The following RTKN2 variants were observed in gnomAD, a reference collection of about 807,000 sequenced individuals.
The protein encoded by RTKN2 is rhotekin 2.
A neutral mutation model predicts 71.5 loss-of-function variants in RTKN2; 69 were observed. The ratio of observed to expected loss-of-function variants is 0.96; its 90% confidence interval spans 0.79 to 1.18. The LOEUF is 1.18. RTKN2 is among the 50% of genes most tolerant of loss of function. The pLI, the probability that RTKN2 is intolerant of heterozygous loss-of-function variation, is 0.00. For synonymous variants in RTKN2, 236 were observed against 236.5 expected, an observed-to-expected ratio of 1.00 and a Z score of 0.02; for missense variants, 724 against 719.7, an observed-to-expected ratio of 1.01 and a Z score of -0.07.
At chr10:62,233,904 G>T (rs1294226311) in intron 6 of RTKN2, among the ~76,000 whole-genome samples, 1 of 152,056 alleles carries the variant, frequency 6.6e-6, no homozygotes, top group African/African-American at 2.4e-5. Flanking sequence ...GAGCCAACTC[G>T]ACGAAACATG....
chr10:62,190,582 A>G (rs1023175306), downstream of RTKN2, among the ~76,000 whole-genome samples: 2 of 152,142 alleles, frequency 1.3e-5, no homozygotes, highest in Non-Finnish European at 2.9e-5. Flanking sequence ...TCAATTTGAG[A>G]CAAACACCAG....
chr10:62,259,630 C>T (rs1842737113), intron 2 of RTKN2, among the ~76,000 whole-genome samples: 1 of 152,196 alleles, frequency 6.6e-6, no homozygotes, highest in Admixed American at 6.5e-5. Flanking sequence ...CAGCTCACTC[C>T]AGCCTTGATA....
chr10:62,225,956 T>C (rs1842013812), intron 6 of RTKN2, among the ~76,000 whole-genome samples: 1 of 151,966 alleles, frequency 6.6e-6, no homozygotes, highest in Non-Finnish European at 1.5e-5. Flanking sequence ...TTATTTTTCG[T>C]ATTTTTAGTA....
rs753792232 is a variant in RTKN2 at position 62,198,057 on chromosome 10, T to G, written c.1681A>C (p.Lys561Gln). The G allele has an allele frequency of 6.8e-6, 11 of 1,613,980 alleles. No individual in the cohort carries two copies. Among genetic ancestry groups the G allele is most frequent in the Middle Eastern group, 1.6e-4 (1 of 6,084 alleles). ...HLQKPMAAPR[K>Q]LLPARRNRLS... ...CTATTTCTCCTGGCAGGCAGAAGTT[T>G]TCGAGGAGCAGCCATTGGTTTCTGT... is the stretch of plus-strand genomic sequence containing the variant. Residue 561 changes from lysine (K) to glutamine (Q), a missense_variant, in exon 12 of 12, where the codon AAA (lysine) becomes CAA (glutamine). Coordinates refer to ENST00000373789, the MANE Select transcript of RTKN2 (RefSeq NM_145307.4).
intron 2 of RTKN2, among the ~76,000 whole-genome samples, chr10:62,253,222 T>C (rs1019336150): frequency 6.6e-6 from 1 of 152,152 alleles, no homozygotes; most frequent in East Asian, 1.9e-4. Flanking sequence ...CCAGGCAAAA[T>C]TCAGGTTCAA....
At chr10:62,238,374 T>C (rs1404585534) in intron 5 of RTKN2, 7 of 151,926 alleles carry the variant, frequency 4.6e-5, no homozygotes, top group African/African-American at 9.7e-5. Context: ...CTCAAAAAAT[T>C]ATAAATCATG....
intron 3 of RTKN2, among the ~76,000 whole-genome samples, chr10:62,242,432 T>G (rs1399587913): frequency 1.3e-5 from 2 of 152,134 alleles, no homozygotes; most frequent in Non-Finnish European, 2.9e-5. Flanking sequence ...ATATTTTTGT[T>G]TTTTGGAGGT....
chr10:62,227,517 G>T (rs951425283), intron 6 of RTKN2, among the ~76,000 whole-genome samples: 1 of 152,142 alleles, frequency 6.6e-6, no homozygotes, highest in Non-Finnish European at 1.5e-5. Flanking sequence ...TAGTGAGGGA[G>T]GCAGAGTGAT....
intron 2 of RTKN2, among the ~76,000 whole-genome samples, chr10:62,256,130 T>C (rs114127519): frequency 0.017 from 2,519 of 152,032 alleles, 62 homozygotes; most frequent in African/African-American, 0.057. Context: ...GTGATCCTCC[T>C]GCCTCAGCCT....
At chr10:62,234,031 T>C (rs1018701962) in intron 6 of RTKN2, among the ~76,000 whole-genome samples, 1 of 152,172 alleles carries the variant, frequency 6.6e-6, no homozygotes, top group Non-Finnish European at 1.5e-5. Flanking sequence ...GAAACCACGC[T>C]CCTTGGAGAA....
rs374994187 is a variant in RTKN2 at position 62,233,527 on chromosome 10, G to A, written c.686+2539C>T. 9.1e-4 allele frequency among the ~76,000 whole-genome samples: 139 copies of A among 151,976 alleles called. 2 individuals are homozygous for A. In the South Asian group the frequency reaches 0.028, roughly 31 times the overall value. ...GACTGTTTTTCAGAATGTAGACTGG[G>A]ACTGATTCACGGGTCATGAAATCAA... On this transcript the variant is annotated intron_variant, in intron 6 of 11. Coordinates refer to ENST00000373789, the MANE Select transcript of RTKN2 (RefSeq NM_145307.4).
chr10:62,246,621 T>A (rs796734776), intron 2 of RTKN2, among the ~76,000 whole-genome samples: 16 of 152,108 alleles, frequency 1.1e-4, no homozygotes, highest in African/African-American at 3.6e-4. Context: ...ATTAACAAAC[T>A]AAGATGAGAA....
intron 6 of RTKN2, among the ~76,000 whole-genome samples, chr10:62,225,784 C>CT (rs71470801): frequency 0.16 from 22,273 of 140,168 alleles, 2,123 homozygotes; most frequent in African/African-American, 0.26. Flanking sequence ...ATTTTCTTTT[C>CT]TTTTTTTTTT....
chr10:62,194,648 A>G lies in RTKN2; in HGVS notation c.*3260T>C. On this transcript the variant is annotated 3_prime_UTR_variant, in exon 12 of 12. Coordinates refer to ENST00000373789, the MANE Select transcript of RTKN2 (RefSeq NM_145307.4). The stretch of plus-strand genomic sequence containing the variant: ...TGATTACATTCAAATGGCATTTAAC[A>G]TAAATTGCACCAAACTGCCCTATAA... 1 of 985,358 alleles carries G rather than the reference A, an allele frequency of 1.0e-6. No homozygotes were observed. Among genetic ancestry groups the G allele is most frequent in the Non-Finnish European group, 1.2e-6 (1 of 829,852 alleles). The allele number at this position is 985,358 out of a possible 1,614,324, so 61.0% of individuals were successfully genotyped here. A position where few individuals can be genotyped will look rare whatever the true frequency, so the allele number is the denominator to read the frequency against.
chr10:62,239,187 T>A (rs1377646578), intron 5 of RTKN2: 1 of 152,326 alleles, frequency 6.6e-6, no homozygotes, highest in Non-Finnish European at 1.5e-5. Flanking sequence ...TTCAAAGTGC[T>A]CTTCCTATAT....
Position 62,196,254 on chromosome 10 carries a change from A to G in RTKN2, c.*1654T>C. 1 of 968,608 alleles carries G rather than the reference A, an allele frequency of 1.0e-6. No homozygotes were observed. The highest frequency in any genetic ancestry group is 1.2e-6 in the Non-Finnish European group (1 of 814,696). 60.0% of individuals were successfully genotyped at this position (968,608 alleles called of 1,614,324 possible). A position where few individuals can be genotyped will look rare whatever the true frequency, so the allele number is the denominator to read the frequency against. ...GGCAATCATAACAGAAACTTATGAG[A>G]GCCTTCTAGTTAGAAAAAATAAGTT... On this transcript the variant is annotated 3_prime_UTR_variant, in exon 12 of 12. Coordinates refer to ENST00000373789, the MANE Select transcript of RTKN2 (RefSeq NM_145307.4).
At position 62,193,923 on chromosome 10, in the gene RTKN2, A is replaced by C; in HGVS notation, c.*3985T>G. ...ACTTGGTATGTCTTTTTCTGATTAA[A>C]CTGATTCCACCACACTGTCTACTTC... On this transcript the variant is annotated 3_prime_UTR_variant, in exon 12 of 12. Transcript: ENST00000373789. 1 of 983,838 alleles carries C rather than the reference A, an allele frequency of 1.0e-6. No homozygotes were observed. Among genetic ancestry groups the C allele is most frequent in the Non-Finnish European group, 1.2e-6 (1 of 828,446 alleles). The allele number at this position is 983,838 out of a possible 1,614,324, so 60.9% of individuals were successfully genotyped here.
intron 6 of RTKN2, among the ~76,000 whole-genome samples, chr10:62,229,525 T>C (rs528213863): frequency 2.0e-5 from 3 of 152,294 alleles, no homozygotes; most frequent in East Asian, 1.9e-4. Context: ...GAAGACACTT[T>C]TGGGTTTTAT....
At chr10:62,261,941 T>C (rs1026763578) in intron 2 of RTKN2, among the ~76,000 whole-genome samples, 3 of 152,210 alleles carry the variant, frequency 2.0e-5, no homozygotes, top group African/African-American at 7.2e-5. Flanking sequence ...ATCCAGCCTC[T>C]AAATTGAACC....
Sources: allele counts gnomAD v4.1 joint callset (sites outside exome capture counted in the v4.1 genomes callset), GRCh38; gene constraint gnomAD v4.1.1; transcripts MANE v1.5; gene names NCBI Gene and HGNC (gene_info 2026-07-23, HGNC 2026-07-21).